The following PCDHGB2 variants were observed in gnomAD, a reference collection of about 807,000 sequenced individuals.
The protein encoded by PCDHGB2 is protocadherin gamma-B2.
A neutral mutation model predicts 59.3 loss-of-function variants in PCDHGB2; 55 were observed. The observed-to-expected ratio is 0.93, with a 90% CI of 0.75 to 1.16. The LOEUF is 1.16. PCDHGB2 is among the 50% of genes most tolerant of loss of function. PCDHGB2 has a pLI of 0.00. For missense variants in PCDHGB2, 1,228 were observed against 1,198.5 expected (o/e 1.02, Z -0.36); for synonymous variants, 516 against 512.0 (o/e 1.01, Z -0.11).
At position 141,362,587 on chromosome 5, in the gene PCDHGB2, G is replaced by A. The variant is rs747611453; in HGVS notation, c.2421+31G>A. The A allele has an allele frequency of 3.8e-6, 6 of 1,594,472 alleles. No individual in the cohort carries two copies. In the East Asian group the frequency reaches 1.3e-4, roughly 36 times the overall value. On this transcript the variant is annotated intron_variant, in intron 1 of 3. Coordinates refer to ENST00000522605, the MANE Select transcript of PCDHGB2 (RefSeq NM_018923.3). ...CTTTAATTAATTTATTTTCACTTCT[G>A]GTTTTATTGTTTCACCTAATTTGGG...
At chr5:141,500,222 T>TGA (rs1355843194) in intron 2 of PCDHGB2, among the ~76,000 whole-genome samples, 1 of 146,758 alleles carries the variant, frequency 6.8e-6, no homozygotes, top group Non-Finnish European at 1.5e-5. Flanking sequence ...ATTTATTTAT[T>TGA]TATTGATACG....
chr5:141,374,558 G>C, intron 1 of PCDHGB2: 1 of 1,613,642 alleles, frequency 6.2e-7, no homozygotes, highest in Non-Finnish European at 8.5e-7. Context: ...GGAGGTCTAT[G>C]ACCCTGATGT....
At position 141,489,871 on chromosome 5, in the gene PCDHGB2, G is replaced by C; in HGVS notation, c.2422-4936G>C. ...TGAAGCCCAGGCAAGACATCAGCTGGTGCTTACTGCTGTGGATGGGGGGAC... is the reference window on the plus strand; with the variant it reads ...TGAAGCCCAGGCAAGACATCAGCTGCTGCTTACTGCTGTGGATGGGGGGAC... On this transcript the variant is annotated intron_variant, in intron 1 of 3. Coordinates refer to ENST00000522605, the MANE Select transcript of PCDHGB2 (RefSeq NM_018923.3). The surrounding 1 kb of genome is among the most constrained non-coding windows in gnomAD (Gnocchi z 4.5). 1 of 1,614,206 alleles carries C rather than the reference G, an allele frequency of 6.2e-7. No individual in the cohort carries two copies.
intron 1 of PCDHGB2, among the ~76,000 whole-genome samples, chr5:141,434,490 G>A (rs566645029): frequency 2.5e-4 from 38 of 152,274 alleles, no homozygotes; most frequent in Non-Finnish European, 4.9e-4. Flanking sequence ...CACCTGGCCC[G>A]CCCAGGGCAG....
chr5:141,395,427 T>A, intron 1 of PCDHGB2: 2 of 722,004 alleles, frequency 2.8e-6, no homozygotes, highest in Non-Finnish European at 4.3e-6. Flanking sequence ...CATTTGCTTT[T>A]AAACGACTTG....
intron 1 of PCDHGB2, chr5:141,426,294 CAG>C (rs555591649): frequency 1.2e-4 from 20 of 167,070 alleles, no homozygotes; most frequent in African/African-American, 4.5e-4. Context: ...GGATGGGAAA[CAG>C]GGTGAAGCAG....
At chr5:141,509,805 G>A (rs150684746) in intron 3 of PCDHGB2, among the ~76,000 whole-genome samples, 2 of 152,248 alleles carry the variant, frequency 1.3e-5, no homozygotes, top group Middle Eastern at 3.4e-3. Flanking sequence ...GCTTCATAGA[G>A]CCGAGCTCTT....
intron 1 of PCDHGB2, chr5:141,484,969 G>A: frequency 3.4e-6 from 2 of 584,588 alleles, no homozygotes; most frequent in Admixed American, 3.2e-5. Flanking sequence ...CCCGGGAGCC[G>A]CTGTCTGCCA....
At chr5:141,404,248 G>A in intron 1 of PCDHGB2, 2 of 1,613,812 alleles carry the variant, frequency 1.2e-6, no homozygotes, top group African/African-American at 2.7e-5. Flanking sequence ...CTCCGCCCCT[G>A]TCCACAGAAA....
intron 1 of PCDHGB2, chr5:141,367,368 TCTA>T (rs1266563786): frequency 1.3e-5 from 2 of 151,884 alleles, no homozygotes; most frequent in Non-Finnish European, 2.9e-5. Flanking sequence ...GAAACCCTGT[TCTA>T]CTAAAAATAC....
At chr5:141,402,801 G>C (rs1218765657) in intron 1 of PCDHGB2, 6 of 1,078,624 alleles carry the variant, frequency 5.6e-6, no homozygotes, top group Middle Eastern at 3.2e-4. Flanking sequence ...CACAAAACCC[G>C]GCAGATACCA....
intron 1 of PCDHGB2, among the ~76,000 whole-genome samples, chr5:141,454,596 G>C (rs1184158084): frequency 1.3e-5 from 2 of 151,324 alleles, no homozygotes; most frequent in Non-Finnish European, 2.9e-5. Flanking sequence ...AGTAGAGACA[G>C]GGTTTCTCCA....
intron 1 of PCDHGB2, chr5:141,423,461 A>G (rs1590478217): frequency 6.2e-7 from 1 of 1,613,982 alleles, no homozygotes; most frequent in Non-Finnish European, 8.5e-7. Context: ...GTAGGCGTGG[A>G]CGGGGTACAG....
chr5:141,399,832 G>C (rs2093898646), intron 1 of PCDHGB2: 1 of 1,613,034 alleles, frequency 6.2e-7, no homozygotes, highest in Admixed American at 1.7e-5. Context: ...CGACGGCTCT[G>C]CGCTCTTCGA....
At position 141,381,826 on chromosome 5, in the gene PCDHGB2, C is replaced by CTTTTTTT. The variant is rs770630741; in HGVS notation, c.2421+19286_2421+19292dup. Among the ~76,000 whole-genome samples the CTTTTTTT allele has an allele frequency of 1.4e-3, 102 of 74,248 alleles. 2 individuals are homozygous for CTTTTTTT. The highest frequency in any genetic ancestry group is 1.7e-3 in the Non-Finnish European group (71 of 42,360). The allele number at this position is 74,248 out of a possible 152,430, so 48.7% of individuals were successfully genotyped here. ...TTTCTTTCTTTCTTTCTTTCTTCTT[C>CTTTTTTT]TTTTTTTTTTTTTTTTTTTTTTGGC... On this transcript the variant is annotated intron_variant, in intron 1 of 3. Transcript: ENST00000522605.
intron 1 of PCDHGB2, chr5:141,409,042 C>A: frequency 5.0e-6 from 8 of 1,614,034 alleles, no homozygotes; most frequent in Middle Eastern, 1.6e-4. Context: ...TAAACTACTA[C>A]TTCCGAAGCA....
intron 1 of PCDHGB2, among the ~76,000 whole-genome samples, chr5:141,402,328 A>G (rs1589453798): frequency 6.6e-6 from 1 of 152,000 alleles, no homozygotes; most frequent in Non-Finnish European, 1.5e-5. Context: ...ACATTTACAA[A>G]TATATAGGTA....
At chr5:141,370,168 C>A (rs890245618) in intron 1 of PCDHGB2, 2 of 458,196 alleles carry the variant, frequency 4.4e-6, no homozygotes, top group South Asian at 1.2e-4. Flanking sequence ...GCAGCAGAGG[C>A]GCCGGGTGCC....
chr5:141,439,625 CCA>C (rs1281773200), intron 1 of PCDHGB2, among the ~76,000 whole-genome samples: 1 of 152,150 alleles, frequency 6.6e-6, no homozygotes, highest in African/African-American at 2.4e-5. Flanking sequence ...GAGCCAATCC[CCA>C]GACATTCCGG....
Sources: allele counts gnomAD v4.1 joint callset (sites outside exome capture counted in the v4.1 genomes callset), GRCh38; gene constraint gnomAD v4.1.1; non-coding constraint Gnocchi (gnomAD v3.1); transcripts MANE v1.5; gene names NCBI Gene and HGNC (gene_info 2026-07-23, HGNC 2026-07-21).